DCC: variants seen among roughly 807,000 people sequenced by gnomAD.
The protein encoded by DCC is DCC netrin 1 receptor.
Under a neutral mutation model 172.5 loss-of-function variants are expected in DCC, and 58 were observed. The ratio of observed to expected loss-of-function variants is 0.34; its 90% CI spans 0.27 to 0.42. The LOEUF is 0.42. Ranked by LOEUF, DCC falls within the 10% of genes least tolerant of loss-of-function variation. The probability of loss-of-function intolerance (pLI) is 1.00; values close to 1 mark genes in which losing one functional copy is unlikely to be tolerated. For missense variants in DCC, 1,740 were observed against 1,791.0 expected (o/e 0.97, Z 0.51); for synonymous variants, 709 against 644.5 (o/e 1.10, Z -1.52).
At chr18:52,630,208 G>A (rs1289378477) in intron 1 of DCC, among the ~76,000 whole-genome samples, 5 of 152,300 alleles carry the variant, frequency 3.3e-5, no homozygotes, top group South Asian at 4.1e-4. Context: ...TGTTAGAAAT[G>A]TGTCAGTCGT....
At chr18:52,821,558 A>G (rs2038407429) in intron 2 of DCC, among the ~76,000 whole-genome samples, 1 of 152,098 alleles carries the variant, frequency 6.6e-6, no homozygotes, top group African/African-American at 2.4e-5. Context: ...GCCCCCTTCA[A>G]TGAGGCTTTT....
At position 53,157,412 on chromosome 18, in the gene DCC, G is replaced by A. The variant is rs1336786051; in HGVS notation, c.1318G>A (p.Val440Ile). 6.2e-7 allele frequency: 1 copy of A among 1,614,100 alleles called. No individual in the cohort carries two copies. Among genetic ancestry groups the A allele is most frequent in the Admixed American group, 1.7e-5 (1 of 60,018 alleles). ...SAPRDVVPVL[V>I]SSRFVRLSWR... ...TCCCAGAGATGTGGTCCCTGTCTTGGTTTCCAGCCGATTTGTCCGTCTCAG... is the reference window on the plus strand; with the variant it reads ...TCCCAGAGATGTGGTCCCTGTCTTGATTTCCAGCCGATTTGTCCGTCTCAG... The change falls in exon 8 of 29, where the codon GTT becomes ATT. Residue 440 changes from valine (V) to isoleucine (I), a missense_variant. Val to Ile is a conservative substitution (Grantham distance 29). Coordinates refer to ENST00000442544, the MANE Select transcript of DCC (RefSeq NM_005215.4).
intron 17 of DCC, 89 bp downstream of exon 17, chr18:53,391,976 C>T (rs530481904): frequency 1.6e-5 from 12 of 770,604 alleles, no homozygotes; most frequent in African/African-American, 8.5e-5. Context: ...TGTCATGAGT[C>T]GTTTTGCTGC....
In DCC at chr18:52,746,696, A is replaced by C. The variant is rs187394175; in HGVS notation, c.92-5358A>C. Among the ~76,000 whole-genome samples, 31 of 152,296 alleles carry C rather than the reference A, an allele frequency of 2.0e-4. No homozygotes were observed. In the East Asian group the frequency reaches 5.0e-3, roughly 25 times the overall value. On this transcript the variant is annotated intron_variant, in intron 1 of 28. Coordinates refer to ENST00000442544, the MANE Select transcript of DCC (RefSeq NM_005215.4). The stretch of plus-strand genomic sequence containing the variant: ...TTTTGGTGAGTTTCTAAAATATATT[A>C]AGAATATTCTCTATGTATAGATAAT...
intron 20 of DCC, among the ~76,000 whole-genome samples, chr18:53,411,115 C>G (rs1306412845): frequency 7.4e-6 from 1 of 134,516 alleles, no homozygotes; most frequent in African/African-American, 2.5e-5. Context: ...TTGTAAAGAA[C>G]CAAGGTAGAA....
At chr18:52,856,638 A>G (rs1238741382) in intron 2 of DCC, among the ~76,000 whole-genome samples, 1 of 150,236 alleles carries the variant, frequency 6.7e-6, no homozygotes, top group African/African-American at 2.5e-5. Flanking sequence ...AAAAAAAAAA[A>G]AAAAAGAAAA....
At chr18:53,038,376 A>T (rs1478975223) in intron 5 of DCC, among the ~76,000 whole-genome samples, 1 of 151,982 alleles carries the variant, frequency 6.6e-6, no homozygotes, top group East Asian at 1.9e-4. Context: ...CAGAGACAGC[A>T]CTATTCTTAT....
chr18:53,003,581 G>C (rs2041599014), intron 5 of DCC, among the ~76,000 whole-genome samples: 1 of 152,106 alleles, frequency 6.6e-6, no homozygotes, highest in Non-Finnish European at 1.5e-5. Context: ...ATTTTAGAAA[G>C]AGAAAGAAGA....
At chr18:53,280,992 A>G (rs990880002) in intron 12 of DCC, among the ~76,000 whole-genome samples, 1 of 150,674 alleles carries the variant, frequency 6.6e-6, no homozygotes, top group Non-Finnish European at 1.5e-5. Context: ...CTTCTCTATG[A>G]ATAACTTCTC....
intron 1 of DCC, among the ~76,000 whole-genome samples, chr18:52,536,899 A>G (rs1201787958): frequency 6.6e-6 from 1 of 152,184 alleles, no homozygotes; most frequent in Non-Finnish European, 1.5e-5. Context: ...TATTGTGGCC[A>G]ATTATATTCT....
intron 1 of DCC, among the ~76,000 whole-genome samples, chr18:52,358,329 G>A (rs1984470423): frequency 6.6e-6 from 1 of 152,176 alleles, no homozygotes; most frequent in Non-Finnish European, 1.5e-5. Flanking sequence ...TGGTCTTTGA[G>A]CTCAGGGGAT....
intron 7 of DCC, among the ~76,000 whole-genome samples, chr18:53,127,429 T>A (rs998587660): frequency 3.3e-5 from 5 of 152,098 alleles, no homozygotes; most frequent in Admixed American, 6.6e-5. Context: ...TACATTAAAC[T>A]GGCTTCAGAT....
chr18:52,762,066 A>G (rs562025788), intron 2 of DCC, among the ~76,000 whole-genome samples: 22 of 152,198 alleles, frequency 1.4e-4, no homozygotes, highest in Admixed American at 3.9e-4. Flanking sequence ...GGCCAGATGG[A>G]GCTATGGAGT....
chr18:52,726,396 A>G (rs1287288920), intron 1 of DCC, among the ~76,000 whole-genome samples: 3 of 152,028 alleles, frequency 2.0e-5, no homozygotes, highest in Non-Finnish European at 4.4e-5. Flanking sequence ...TCTTTCCACC[A>G]TGGTACCTTC....
chr18:52,991,249 TTTTTTTAAATTTATC>T (rs1171227002), intron 5 of DCC, among the ~76,000 whole-genome samples: 3 of 152,090 alleles, frequency 2.0e-5, no homozygotes, highest in Non-Finnish European at 4.4e-5. Context: ...CCTAGTCTAA[TTTTTTTAAATTTATC>T]TTTTTTTGTT....
chr18:52,502,916 T>C (rs1430789713), intron 1 of DCC, among the ~76,000 whole-genome samples: 2 of 152,240 alleles, frequency 1.3e-5, no homozygotes, highest in African/African-American at 4.8e-5. Context: ...ATTATTTAAT[T>C]TGTGCTGTCT....
chr18:52,854,793 T>C (rs947485627), intron 2 of DCC, among the ~76,000 whole-genome samples: 1 of 152,140 alleles, frequency 6.6e-6, no homozygotes, highest in African/African-American at 2.4e-5. Context: ...AAAGAAATCT[T>C]TGGTGTCTTC....
chr18:52,476,782 A>G (rs986149184), intron 1 of DCC, among the ~76,000 whole-genome samples: 4 of 152,140 alleles, frequency 2.6e-5, no homozygotes, highest in Admixed American at 6.6e-5. Context: ...GTAAGACTTA[A>G]ATTTGGATGG....
intron 1 of DCC, among the ~76,000 whole-genome samples, chr18:52,591,787 C>CTTTT (rs370150482): frequency 1.6e-5 from 2 of 125,134 alleles, no homozygotes; most frequent in Non-Finnish European, 3.3e-5. Flanking sequence ...TTATTTATTT[C>CTTTT]TTTTTTTTTT....
Sources: gnomAD v4.1 joint callset for allele counts (sites outside exome capture counted in the v4.1 genomes callset) on GRCh38, gnomAD v4.1.1 for gene constraint, MANE v1.5 for transcripts, NCBI Gene and HGNC (gene_info 2026-07-23, HGNC 2026-07-21) for gene names.